Variants in SPIN3 observed in about 807,000 individuals in gnomAD.
SPIN3 encodes the protein spindlin-3.
For missense variants in SPIN3, 176 were observed against 196.4 expected, an observed-to-expected ratio of 0.90 and a Z score of 0.62; for synonymous variants, 74 against 74.3, an observed-to-expected ratio of 1.00 and a Z score of 0.02.
chrX:56,987,459 C>G (rs900127610), downstream of SPIN3, among the ~76,000 whole-genome samples: 1 of 111,496 alleles, frequency 9.0e-6, no homozygotes, highest in Non-Finnish European at 1.9e-5. Context: ...TTCCGTTCAT[C>G]TCTATCCATT....
downstream of SPIN3, among the ~76,000 whole-genome samples, chrX:56,986,085 A>G (rs373691742): frequency 1.8e-5 from 2 of 110,964 alleles, no homozygotes; most frequent in Admixed American, 9.7e-5. Context: ...TATTATTATT[A>G]TTTTTTTAAT....
chrX:56,994,655 A>G lies in SPIN3; in HGVS notation c.293T>C (p.Leu98Pro). The change falls in exon 2 of 2, where the codon CTT (leucine) becomes CCT (proline). Residue 98 changes from leucine (L) to proline (P), a missense_variant. Coordinates refer to ENST00000374919, the MANE Select transcript of SPIN3 (RefSeq NM_001010862.3). ...DGFDCVYGLE[L>P]HRDERVSSLE... ...TGATGACACTCTTTCATCTCTGTGA[A>G]GTTCCAATCCATAAACACAGTCAAA... 6 of 1,212,013 alleles carry G rather than the reference A, an allele frequency of 5.0e-6. No homozygotes were observed. The highest frequency in any genetic ancestry group is 6.7e-6 in the Non-Finnish European group (6 of 895,587).
chrX:56,992,112 C>G lies in SPIN3; in HGVS notation c.*2059G>C. 1 of 297,476 alleles carries G rather than the reference C, an allele frequency of 3.4e-6. No homozygotes were observed. Among genetic ancestry groups the G allele is most frequent in the Non-Finnish European group, 5.9e-6 (1 of 170,309 alleles). The allele number at this position is 297,476 out of a possible 1,213,427, so 24.5% of individuals were successfully genotyped here. A position where few individuals can be genotyped will look rare whatever the true frequency, so the allele number is the denominator to read the frequency against. ...GCCTTTCCCAATTTCTCGTTTTTCT[C>G]ATTTCAGCCATATAGATCTCACAAA... On this transcript the variant is annotated 3_prime_UTR_variant, in exon 2 of 2. Coordinates refer to ENST00000374919, the MANE Select transcript of SPIN3 (RefSeq NM_001010862.3).
exon 6 of SPIN3, chrX:56,977,054 G>C (rs1924021049): frequency 9.0e-6 from 1 of 111,437 alleles, no homozygotes; most frequent in South Asian, 3.8e-4. Context: ...TAAAATCAGA[G>C]AATTGTACAC....
In SPIN3 at chrX:56,992,237, T is replaced by C. The variant is rs1439008754; in HGVS notation, c.*1934A>G. ...TTCAGGACCTCAGGAGTTGAATTAA[T>C]CTAACCCCACAATTGCATGTCATAC... On this transcript the variant is annotated 3_prime_UTR_variant, in exon 2 of 2. Transcript: ENST00000374919. 3.4e-6 allele frequency: 1 copy of C among 295,579 alleles called. No homozygotes were observed. The highest frequency in any genetic ancestry group is 6.2e-5 in the Admixed American group (1 of 16,189). The allele number at this position is 295,579 out of a possible 1,213,427, so 24.4% of individuals were successfully genotyped here. A position where few individuals can be genotyped will look rare whatever the true frequency, so the allele number is the denominator to read the frequency against.
rs1924350148 is a variant in SPIN3 at position 56,991,974 on chromosome X, T to G, written c.*2197A>C. ...ACAACATAATAAAAATGCCTTAGTT[T>G]GAACTATATGACCTCACCCCCACCC... On this transcript the variant is annotated 3_prime_UTR_variant, in exon 2 of 2. Transcript: ENST00000374919. The G allele has an allele frequency of 1.7e-5, 5 of 293,675 alleles. No homozygotes were observed. In the East Asian group the frequency reaches 2.4e-4, roughly 14 times the overall value. The allele number at this position is 293,675 out of a possible 1,213,427, so 24.2% of individuals were successfully genotyped here. A position where few individuals can be genotyped will look rare whatever the true frequency, so the allele number is the denominator to read the frequency against.
chrX:56,981,078 A>G (rs898701660), intron 3 of SPIN3, among the ~76,000 whole-genome samples: 1 of 110,442 alleles, frequency 9.1e-6, no homozygotes, highest in Non-Finnish European at 1.9e-5. Context: ...CCACAGATTC[A>G]GGACTGGCAC....
In SPIN3 at chrX:56,994,883, C is replaced by T; in HGVS notation, c.65G>A (p.Ser22Asn). The change falls in exon 2 of 2, where the codon AGT becomes AAT. Residue 22 changes from serine to asparagine, a missense_variant. Coordinates refer to ENST00000374919, the MANE Select transcript of SPIN3 (RefSeq NM_001010862.3). ...QRSRTGAGHG[S>N]VSVTMIKRKA... is the part of the protein sequence containing the mutation. ...CCTCTTTATCATGGTAACAGACACA[C>T]TGCCGTGGCCAGCGCCCGTCCTGGA... is the stretch of plus-strand genomic sequence containing the variant. The T allele has an allele frequency of 2.5e-6, 3 of 1,211,193 alleles. No individual in the cohort carries two copies. The highest frequency in any genetic ancestry group is 3.4e-6 in the Non-Finnish European group (3 of 895,222).
intron 3 of SPIN3, chrX:56,980,246 C>T (rs1924086053): frequency 9.0e-6 from 1 of 111,069 alleles, no homozygotes; most frequent in Admixed American, 9.7e-5. Flanking sequence ...GAATTAAAAA[C>T]AAACAAACAA....
intron 3 of SPIN3, chrX:56,980,052 T>C (rs2146828856): frequency 9.0e-6 from 1 of 111,504 alleles, no homozygotes; most frequent in African/African-American, 3.2e-5. Context: ...TCACTAAATC[T>C]TGTGACGTAC....
At chrX:56,983,801 T>G (rs1924168160) in intron 3 of SPIN3, among the ~76,000 whole-genome samples, 1 of 112,453 alleles carries the variant, frequency 8.9e-6, no homozygotes, top group African/African-American at 3.2e-5. Context: ...CCATCTGCAC[T>G]AGAAATATTT....
chrX:56,994,024 C>T lies in SPIN3; in HGVS notation c.*147G>A, dbSNP rs186414056. ...ATGGGCAAAAGGTTTCTTCCAAAAA[C>T]GTATGAGAGGGCAGAAGTTCCAATT... On this transcript the variant is annotated 3_prime_UTR_variant, in exon 2 of 2. Coordinates refer to ENST00000374919, the MANE Select transcript of SPIN3 (RefSeq NM_001010862.3). The T allele has an allele frequency of 1.3e-5, 7 of 536,328 alleles. No individual in the cohort carries two copies. In the East Asian group the frequency reaches 1.5e-4, roughly 12 times the overall value. The allele number at this position is 536,328 out of a possible 1,213,427, so 44.2% of individuals were successfully genotyped here.
At chrX:56,984,446 G>C (rs1161081646) in exon 3 of SPIN3, 6 of 323,924 alleles carry the variant, frequency 1.9e-5, no homozygotes, top group Admixed American at 3.2e-5. Context: ...TCATGTATGG[G>C]TTCTTGGTGG....
intron 3 of SPIN3, chrX:56,980,064 C>G (rs1382438155): frequency 9.0e-6 from 1 of 111,577 alleles, no homozygotes; most frequent in Non-Finnish European, 1.9e-5. Flanking sequence ...GTGACGTACT[C>G]AGATCAGATT....
chrX:56,975,848 C>T (rs1169428111), downstream of SPIN3: 2 of 93,519 alleles, frequency 2.1e-5, no homozygotes, highest in African/African-American at 6.7e-5. Flanking sequence ...TCTGAAGAGC[C>T]ACCTTATTGA....
chrX:56,983,566 C>T (rs1924163339), intron 3 of SPIN3, among the ~76,000 whole-genome samples: 1 of 112,726 alleles, frequency 8.9e-6, no homozygotes, highest in Non-Finnish European at 1.9e-5. Context: ...GTGGGTGAAT[C>T]TGATAGTGTG....
In SPIN3 at chrX:56,993,385, A is replaced by G. The variant is rs903479345; in HGVS notation, c.*786T>C. Reference sequence around the variant, plus strand: ...AAAGTCTGCCTGCACAGCTTCTATCAGTTAAAACCTACTCCATGTCTGCAG... The same window carrying G: ...AAAGTCTGCCTGCACAGCTTCTATCGGTTAAAACCTACTCCATGTCTGCAG... On this transcript the variant is annotated 3_prime_UTR_variant, in exon 2 of 2. Transcript: ENST00000374919. 9.0e-6 allele frequency: 1 copy of G among 111,355 alleles called. No individual in the cohort carries two copies. Among genetic ancestry groups the G allele is most frequent in the Non-Finnish European group, 1.9e-5 (1 of 53,134 alleles). 9.2% of individuals were successfully genotyped at this position (111,355 alleles called of 1,213,427 possible). A position where few individuals can be genotyped will look rare whatever the true frequency, so the allele number is the denominator to read the frequency against.
Position 56,994,328 on chromosome X carries a change from T to C in SPIN3, c.620A>G (p.Asp207Gly), listed in dbSNP as rs757514599. 42 of 1,212,122 alleles carry C rather than the reference T, an allele frequency of 3.5e-5. No homozygotes were observed. The highest frequency in any genetic ancestry group is 4.4e-5 in the Non-Finnish European group (39 of 895,624). The change falls in exon 2 of 2, where the codon GAC becomes GGC. Residue 207 changes from aspartate (D) to glycine (G), a missense_variant. By Grantham distance (94) the Asp-to-Gly change is moderately conservative. Transcript: ENST00000374919. The part of the protein sequence containing the change: ...LAEREPGEVI[D>G]SLVGKQVEYA... The stretch of plus-strand genomic sequence containing the variant: ...TTCCACCTGTTTGCCTACCAGGCTG[T>C]CTATGACTTCTCCTGGCTCCCTCTC...
At chrX:56,979,908 T>C (rs1924079094) in intron 3 of SPIN3, 1 of 112,370 alleles carries the variant, frequency 8.9e-6, no homozygotes. Context: ...ATAGGACAAG[T>C]TGGTCATTTA....
Sources: allele counts gnomAD v4.1 joint callset (sites outside exome capture counted in the v4.1 genomes callset), GRCh38; gene constraint gnomAD v4.1.1; transcripts MANE v1.5; gene names NCBI Gene and HGNC (gene_info 2026-07-23, HGNC 2026-07-21).